PITPNM2: variants seen among roughly 807,000 people sequenced by gnomAD.
PITPNM2 encodes membrane-associated phosphatidylinositol transfer protein 2.
In PITPNM2, 35 loss-of-function variants were observed where a neutral mutation model predicts 132.2. That is an observed-to-expected ratio of 0.26 (90% confidence interval 0.20 to 0.35). PITPNM2 has a LOEUF of 0.35. PITPNM2 is among the 10% of genes least tolerant of loss of function. PITPNM2 has a pLI of 1.00. For synonymous variants in PITPNM2, 738 were observed against 799.2 expected (o/e 0.92, Z 1.29); for missense variants, 1,332 against 1,912.0 (o/e 0.70, Z 5.66).
At chr12:122,997,641 C>G in intron 10 of PITPNM2, 69 bp from the exon 11 acceptor site, 1 of 1,562,948 alleles carries the variant, frequency 6.4e-7, no homozygotes, top group South Asian at 1.2e-5. Flanking sequence ...CCTCTGTCAC[C>G]CTTGTTGGGG....
At chr12:123,012,859 T>G (rs1592942266) in intron 4 of PITPNM2, 125 bp from the exon 5 acceptor site, 19 of 1,257,250 alleles carry the variant, frequency 1.5e-5, no homozygotes, top group Non-Finnish European at 2.0e-5. Context: ...GGGTGGAGGG[T>G]AGCCGAGACT....
chr12:123,036,105 A>T lies in PITPNM2; in HGVS notation c.-95-1420T>A, dbSNP rs962061914. 6.6e-6 allele frequency among the ~76,000 whole-genome samples: 1 copy of T among 152,194 alleles called. No homozygotes were observed. The highest frequency in any genetic ancestry group is 1.5e-5 in the Non-Finnish European group (1 of 68,028). Reference sequence around the variant, plus strand: ...GTGACCATGGGCAGGACTCCTGCTAAGTGATAAAAGCAAGGGCCTGGCCAG... The same window carrying T: ...GTGACCATGGGCAGGACTCCTGCTATGTGATAAAAGCAAGGGCCTGGCCAG... On this transcript the variant is annotated intron_variant, in intron 2 of 25. Transcript: ENST00000320201. The surrounding 1 kb of genome is among the most constrained non-coding windows in gnomAD (Gnocchi z 4.1).
chr12:123,034,166 T>G, intron 3 of PITPNM2: 1 of 222,674 alleles, frequency 4.5e-6, no homozygotes, highest in Non-Finnish European at 8.8e-6. Flanking sequence ...ACGCCCCCAG[T>G]TTGTGGTATT....
chr12:123,123,453 A>G (rs2043070993), intron 1 of PITPNM2, among the ~76,000 whole-genome samples: 1 of 152,070 alleles, frequency 6.6e-6, no homozygotes, highest in African/African-American at 2.4e-5. Flanking sequence ...GTCTACAAAA[A>G]TAAAAAAATT....
In PITPNM2 at chr12:123,082,628, G is replaced by T. The variant is rs920542464; in HGVS notation, c.-96+27757C>A. ...ATTTTTATATTTTTAGTAAGACGGG[G>T]TTTCACCATGTTGGTCAGGCTGGTC... is the stretch of plus-strand genomic sequence containing the variant. On this transcript the variant is annotated intron_variant, in intron 2 of 25. Transcript: ENST00000320201. This position sits in a 1 kb window ranked among gnomAD's most constrained non-coding sequence, Gnocchi z 5.4. Among the ~76,000 whole-genome samples, 11 of 152,114 alleles carry T rather than the reference G, an allele frequency of 7.2e-5. No individual in the cohort carries two copies. Among genetic ancestry groups the T allele is most frequent in the African/African-American group, 2.7e-4 (11 of 41,410 alleles).
At position 123,005,111 on chromosome 12, in the gene PITPNM2, T is replaced by A. The variant is rs1455508053; in HGVS notation, c.952+129A>T. On this transcript the variant is annotated intron_variant, in intron 7 of 25. Coordinates refer to ENST00000320201, the MANE Select transcript of PITPNM2 (RefSeq NM_020845.3). This position sits in a 1 kb window ranked among gnomAD's most constrained non-coding sequence, Gnocchi z 6.2. ...GCGAGGACTAGCCCAGGGCTCTGAC[T>A]CCCTCTGGGCTTGGTGCCTCAATGT... 8.6e-7 allele frequency: 1 copy of A among 1,168,200 alleles called. No homozygotes were observed. The highest frequency in any genetic ancestry group is 1.2e-6 in the Non-Finnish European group (1 of 826,594). 72.4% of individuals were successfully genotyped at this position (1,168,200 alleles called of 1,614,324 possible).
intron 2 of PITPNM2, among the ~76,000 whole-genome samples, chr12:123,056,841 C>A (rs1436045797): frequency 6.6e-6 from 1 of 152,098 alleles, no homozygotes; most frequent in Non-Finnish European, 1.5e-5. Context: ...GGACAACCTG[C>A]AGGTCCCTGC....
At chr12:123,045,881 C>G (rs2040636594) in intron 2 of PITPNM2, among the ~76,000 whole-genome samples, 1 of 152,118 alleles carries the variant, frequency 6.6e-6, no homozygotes, top group African/African-American at 2.4e-5. Flanking sequence ...ACCAGCCCAC[C>G]ACTCTGAGCC....
Position 123,010,049 on chromosome 12 carries a change from C to T in PITPNM2, c.444G>A (p.Val148=). Residue 148 remains valine, a synonymous_variant, in exon 6 of 26, where the codon GTG becomes GTA. Coordinates refer to ENST00000320201, the MANE Select transcript of PITPNM2 (RefSeq NM_020845.3). ...IDFIDIVKDP[V]PHNEYKTEED... is the part of the protein sequence containing the mutation. Reference sequence around the variant, plus strand: ...CTTCTGTCTTATACTCGTTGTGGGGCACAGGGTCTTTGACAATGTCGATGA... The same window carrying T: ...CTTCTGTCTTATACTCGTTGTGGGGTACAGGGTCTTTGACAATGTCGATGA... 1 of 1,614,102 alleles carries T rather than the reference C, an allele frequency of 6.2e-7. No individual in the cohort carries two copies. The highest frequency in any genetic ancestry group is 8.5e-7 in the Non-Finnish European group (1 of 1,180,008).
rs1196602284 is a variant in PITPNM2, at chr12:123,117,118, T to C, written c.-199-6630A>G. Among the ~76,000 whole-genome samples the C allele has an allele frequency of 2.0e-5, 3 of 152,246 alleles. No individual in the cohort carries two copies. Among genetic ancestry groups the C allele is most frequent in the African/African-American group, 4.8e-5 (2 of 41,468 alleles). On this transcript the variant is annotated intron_variant, in intron 1 of 25. Coordinates refer to ENST00000320201, the MANE Select transcript of PITPNM2 (RefSeq NM_020845.3). This position sits in a 1 kb window ranked among gnomAD's most constrained non-coding sequence, Gnocchi z 4.7. Reference sequence around the variant, plus strand: ...AGTTCTACTTCCATCATAAGACTCATGAAGACCTTTTGTATCCTCACATAT... The same window carrying C: ...AGTTCTACTTCCATCATAAGACTCACGAAGACCTTTTGTATCCTCACATAT...
At position 123,014,667 on chromosome 12, in the gene PITPNM2, A is replaced by T. The variant is rs138309522; in HGVS notation, c.79-625T>A. Among the ~76,000 whole-genome samples the T allele has an allele frequency of 4.7e-3, 713 of 152,340 alleles. 5 individuals are homozygous for T. The highest frequency in any genetic ancestry group is 0.015 in the South Asian group (73 of 4,822). The stretch of plus-strand genomic sequence containing the variant: ...CAGTGAGCTGAGATCACGCCTCTGC[A>T]CTCCAGCCTTGGTGACAAAGTGAGA... On this transcript the variant is annotated intron_variant, in intron 3 of 25. Transcript: ENST00000320201.
At chr12:123,062,675 T>C (rs1002675184) in intron 2 of PITPNM2, among the ~76,000 whole-genome samples, 3 of 152,072 alleles carry the variant, frequency 2.0e-5, no homozygotes, top group African/African-American at 7.2e-5. Context: ...GAATATAGAA[T>C]ACATAAAGAC....
chr12:123,096,241 G>A (rs2042407405), intron 2 of PITPNM2, among the ~76,000 whole-genome samples: 1 of 152,210 alleles, frequency 6.6e-6, no homozygotes, highest in Non-Finnish European at 1.5e-5. Context: ...AGCACACCCA[G>A]GCACCATTTA....
Position 122,989,851 on chromosome 12 carries a change from T to C in PITPNM2, c.2667A>G (p.Pro889=), listed in dbSNP as rs1369003271. ...CCAGGCCAGGGCTTGCCTTCCTGGC[T>C]GGAGGGTGGGGGCCAGGGGTGGTGG... ...PSPTTPGPHP[P]ARKASPGLER... Residue 889 remains proline (P), a synonymous_variant, in exon 18 of 26, where the codon CCA becomes CCG. Transcript: ENST00000320201. 22 of 1,068,050 alleles carry C rather than the reference T, an allele frequency of 2.1e-5. No individual in the cohort carries two copies. The highest frequency in any genetic ancestry group is 2.6e-5 in the Non-Finnish European group (22 of 850,836). The allele number at this position is 1,068,050 out of a possible 1,614,324, so 66.2% of individuals were successfully genotyped here.
intron 1 of PITPNM2, among the ~76,000 whole-genome samples, chr12:123,129,900 T>C (rs1211503293): frequency 3.3e-5 from 5 of 151,764 alleles, no homozygotes; most frequent in Non-Finnish European, 7.4e-5. Context: ...CTTGTGAATT[T>C]TGTTTTGCGT....
At position 122,993,960 on chromosome 12, in the gene PITPNM2, G is replaced by A. The variant is rs926073199; in HGVS notation, c.2233+841C>T. ...ACAATCTTGGCTCACCGCAACCTCC[G>A]CCCTCCCGTGTTCAGGCGATTCTCC... On this transcript the variant is annotated intron_variant, in intron 15 of 25. Coordinates refer to ENST00000320201, the MANE Select transcript of PITPNM2 (RefSeq NM_020845.3). The surrounding 1 kb of genome is among the most constrained non-coding windows in gnomAD (Gnocchi z 5.2). Among the ~76,000 whole-genome samples, 9 of 151,606 alleles carry A rather than the reference G, an allele frequency of 5.9e-5. No individual in the cohort carries two copies. The highest frequency in any genetic ancestry group is 2.2e-4 in the African/African-American group (9 of 41,230).
chr12:122,994,365 C>T lies in PITPNM2; in HGVS notation c.2233+436G>A, dbSNP rs2038327053. ...TGACGCCCAGCCGCTGGCCTGCCTGCCCTGGGTAGACAGAGACGCACAGCT... is the reference window on the plus strand; with the variant it reads ...TGACGCCCAGCCGCTGGCCTGCCTGTCCTGGGTAGACAGAGACGCACAGCT... On this transcript the variant is annotated intron_variant, in intron 15 of 25. Coordinates refer to ENST00000320201, the MANE Select transcript of PITPNM2 (RefSeq NM_020845.3). This position sits in a 1 kb window ranked among gnomAD's most constrained non-coding sequence, Gnocchi z 5.4. Among the ~76,000 whole-genome samples the T allele has an allele frequency of 6.6e-6, 1 of 152,210 alleles. No individual in the cohort carries two copies. The highest frequency in any genetic ancestry group is 2.4e-5 in the African/African-American group (1 of 41,454).
At position 123,005,654 on chromosome 12, in the gene PITPNM2, C is replaced by T. The variant is rs761818041; in HGVS notation, c.644-106G>A. Reference sequence around the variant, plus strand: ...GGCAGGGGCTTTGGGAGGCTGTACCCATGTTGCAGGTCAAACTAAAGTCAC... The same window carrying T: ...GGCAGGGGCTTTGGGAGGCTGTACCTATGTTGCAGGTCAAACTAAAGTCAC... On this transcript the variant is annotated intron_variant, in intron 6 of 25. Coordinates refer to ENST00000320201, the MANE Select transcript of PITPNM2 (RefSeq NM_020845.3). This position sits in a 1 kb window ranked among gnomAD's most constrained non-coding sequence, Gnocchi z 6.2. 31 of 1,163,820 alleles carry T rather than the reference C, an allele frequency of 2.7e-5. No homozygotes were observed. Among genetic ancestry groups the T allele is most frequent in the Non-Finnish European group, 2.1e-5 (17 of 824,012 alleles). The allele number at this position is 1,163,820 out of a possible 1,614,324, so 72.1% of individuals were successfully genotyped here.
At position 123,008,945 on chromosome 12, in the gene PITPNM2, A is replaced by G. The variant is rs2039054491; in HGVS notation, c.643+905T>C. On this transcript the variant is annotated intron_variant, in intron 6 of 25. Transcript: ENST00000320201. The surrounding 1 kb of genome is among the most constrained non-coding windows in gnomAD (Gnocchi z 4.1). The stretch of plus-strand genomic sequence containing the variant: ...GACACCTCCCTTACTGATGCTAAGA[A>G]CAGGAGGATGTTAATTCAGGACAAG... 6.6e-6 allele frequency among the ~76,000 whole-genome samples: 1 copy of G among 152,200 alleles called. No homozygotes were observed. The highest frequency in any genetic ancestry group is 1.5e-5 in the Non-Finnish European group (1 of 68,042).
Sources: gnomAD v4.1 joint callset for allele counts (sites outside exome capture counted in the v4.1 genomes callset) on GRCh38, gnomAD v4.1.1 for gene constraint, Gnocchi (gnomAD v3.1) non-coding constraint, MANE v1.5 for transcripts, NCBI Gene and HGNC (gene_info 2026-07-23, HGNC 2026-07-21) for gene names.